Variants in CTNNA3 observed in about 807,000 individuals in gnomAD.
The protein encoded by CTNNA3 is catenin alpha 3, also known as catenin alpha-3.
CTNNA3 carries 76 observed loss-of-function variants against 95.7 expected under a neutral mutation model. That is an observed-to-expected ratio of 0.79 (90% confidence interval 0.66 to 0.96). The LOEUF is 0.96. Among genes scored for constraint, CTNNA3 ranks in the 40% least tolerant of loss-of-function variants. CTNNA3 has a pLI of 0.00. For synonymous variants in CTNNA3, 431 were observed against 374.4 expected, an observed-to-expected ratio of 1.15 and a Z score of -1.74; for missense variants, 1,191 against 1,089.8, an observed-to-expected ratio of 1.09 and a Z score of -1.31.
At chr10:67,402,234 C>G (rs563342774) in intron 5 of CTNNA3, among the ~76,000 whole-genome samples, 16 of 152,284 alleles carry the variant, frequency 1.1e-4, no homozygotes, top group African/African-American at 3.1e-4. Context: ...GAAATTCTCA[C>G]TTAAAGAGAG....
chr10:67,003,655 T>C (rs765169431), intron 7 of CTNNA3, among the ~76,000 whole-genome samples: 2 of 152,088 alleles, frequency 1.3e-5, no homozygotes, highest in Non-Finnish European at 2.9e-5. Context: ...TTCAAGTGAG[T>C]CTTATTAACA....
At chr10:67,546,577 T>G (rs1490128204) in intron 3 of CTNNA3, among the ~76,000 whole-genome samples, 1 of 152,176 alleles carries the variant, frequency 6.6e-6, no homozygotes, top group Non-Finnish European at 1.5e-5. Context: ...ATCCATATTG[T>G]AAACCAGTCA....
intron 7 of CTNNA3, among the ~76,000 whole-genome samples, chr10:67,021,385 A>G (rs528574397): frequency 8.5e-5 from 13 of 152,306 alleles, no homozygotes; most frequent in African/African-American, 3.1e-4. Flanking sequence ...ACTTTTGGAA[A>G]GAAATTTGAT....
At chr10:66,757,277 C>G (rs531315379) in intron 9 of CTNNA3, among the ~76,000 whole-genome samples, 1 of 152,210 alleles carries the variant, frequency 6.6e-6, no homozygotes, top group African/African-American at 2.4e-5. Context: ...TAGGGAGTGG[C>G]AACTCTAAAT....
At chr10:66,918,788 C>G (rs1564765798) in intron 7 of CTNNA3, among the ~76,000 whole-genome samples, 1 of 151,968 alleles carries the variant, frequency 6.6e-6, no homozygotes, top group African/African-American at 2.4e-5. Context: ...AGGAATGCAT[C>G]CTGAAATGTG....
At chr10:67,088,805 C>T (rs900538828) in intron 7 of CTNNA3, among the ~76,000 whole-genome samples, 1 of 151,992 alleles carries the variant, frequency 6.6e-6, no homozygotes, top group Non-Finnish European at 1.5e-5. Context: ...TGAAAATCTG[C>T]AAATTTATAT....
At chr10:66,235,663 G>T (rs1312073947) in intron 13 of CTNNA3, among the ~76,000 whole-genome samples, 1 of 152,032 alleles carries the variant, frequency 6.6e-6, no homozygotes, top group African/African-American at 2.4e-5. Context: ...CACATATTTA[G>T]TTAAATTGGA....
intron 5 of CTNNA3, among the ~76,000 whole-genome samples, chr10:67,265,910 T>C (rs1866805178): frequency 6.6e-6 from 1 of 152,144 alleles, no homozygotes; most frequent in South Asian, 2.1e-4. Context: ...TGCTAGGTCC[T>C]AACACCCCGG....
chr10:66,659,137 A>C (rs1341956462), intron 9 of CTNNA3, among the ~76,000 whole-genome samples: 1 of 151,828 alleles, frequency 6.6e-6, no homozygotes, highest in Non-Finnish European at 1.5e-5. Context: ...TCCATACCTT[A>C]TGAACTTTAC....
intron 17 of CTNNA3, among the ~76,000 whole-genome samples, chr10:65,931,063 C>G (rs1054839860): frequency 1.3e-5 from 2 of 152,058 alleles, no homozygotes; most frequent in African/African-American, 4.8e-5. Flanking sequence ...TCCTTCATGA[C>G]CCAGATTTTT....
intron 7 of CTNNA3, chr10:67,097,763 C>T: frequency 6.2e-7 from 1 of 1,612,346 alleles, no homozygotes. Context: ...CAACAGCTGG[C>T]CGAATCAGTG....
intron 7 of CTNNA3, among the ~76,000 whole-genome samples, chr10:66,844,952 AG>A (rs1843194031): frequency 1.3e-5 from 2 of 152,196 alleles, no homozygotes; most frequent in Admixed American, 6.5e-5. Context: ...TGGTATAGAA[AG>A]GGGTGGAATG....
At chr10:66,859,041 G>A (rs1315785299) in intron 7 of CTNNA3, among the ~76,000 whole-genome samples, 1 of 151,752 alleles carries the variant, frequency 6.6e-6, no homozygotes, top group Non-Finnish European at 1.5e-5. Flanking sequence ...CATTTTGTGG[G>A]GTGATGCATC....
intron 6 of CTNNA3, among the ~76,000 whole-genome samples, chr10:67,204,128 G>A (rs915727433): frequency 6.6e-6 from 1 of 150,640 alleles, no homozygotes; most frequent in African/African-American, 2.5e-5. Context: ...AGACCTAAAA[G>A]TATTTTTTTC....
At chr10:65,949,093 T>G (rs1040863975) in intron 17 of CTNNA3, among the ~76,000 whole-genome samples, 1 of 152,194 alleles carries the variant, frequency 6.6e-6, no homozygotes, top group African/African-American at 2.4e-5. Flanking sequence ...TTCCTGTAAT[T>G]TATTATTATT....
chr10:66,860,973 A>T (rs1477017677), intron 7 of CTNNA3, among the ~76,000 whole-genome samples: 1 of 152,184 alleles, frequency 6.6e-6, no homozygotes, highest in Non-Finnish European at 1.5e-5. Flanking sequence ...TTCACTTAAT[A>T]GCCTTCTCCT....
intron 6 of CTNNA3, among the ~76,000 whole-genome samples, chr10:67,193,372 C>T (rs965126280): frequency 3.3e-5 from 5 of 151,880 alleles, no homozygotes; most frequent in Admixed American, 1.3e-4. Context: ...CCTTTTAAGT[C>T]GGAGTACCTG....
chr10:66,909,549 C>T (rs117844998), intron 7 of CTNNA3, among the ~76,000 whole-genome samples: 211 of 151,818 alleles, frequency 1.4e-3, no homozygotes, highest in Non-Finnish European at 2.4e-3. Flanking sequence ...AAATCACTAC[C>T]TTCGGACACA....
intron 7 of CTNNA3, among the ~76,000 whole-genome samples, chr10:66,803,589 A>G (rs1841518541): frequency 6.6e-6 from 1 of 152,026 alleles, no homozygotes; most frequent in African/African-American, 2.4e-5. Flanking sequence ...AACAATAACA[A>G]CATGAACCAT....
Sources: gnomAD v4.1 joint callset for allele counts (sites outside exome capture counted in the v4.1 genomes callset) on GRCh38, gnomAD v4.1.1 for gene constraint, MANE v1.5 for transcripts, NCBI Gene and HGNC (gene_info 2026-07-23, HGNC 2026-07-21) for gene names.